Variants in SORCS2 observed in about 807,000 individuals in gnomAD.
The protein encoded by SORCS2 is VPS10 domain-containing receptor SorCS2.
Under a neutral mutation model 141.6 loss-of-function variants are expected in SORCS2, and 100 were observed. The ratio of observed to expected loss-of-function variants is 0.71; its 90% confidence interval spans 0.60 to 0.83. The LOEUF (loss-of-function observed/expected upper bound fraction) is 0.83. SORCS2 is among the 40% of genes least tolerant of loss of function. The pLI is 0.00. For missense variants in SORCS2, 1,646 were observed against 1,560.2 expected (o/e 1.05, Z -0.93); for synonymous variants, 789 against 676.9 (o/e 1.17, Z -2.57).
rs768844432 is a variant in SORCS2, at chr4:7,664,508, A to T, written c.1071+37A>T. The T allele has an allele frequency of 6.7e-6, 10 of 1,497,088 alleles. No homozygotes were observed. The highest frequency in any genetic ancestry group is 9.1e-6 in the Non-Finnish European group (10 of 1,096,354). The allele number at this position is 1,497,088 out of a possible 1,614,324, so 92.7% of individuals were successfully genotyped here. On this transcript the variant is annotated intron_variant, in intron 7 of 26. Transcript: ENST00000507866. The surrounding 1 kb of genome is among the most constrained non-coding windows in gnomAD (Gnocchi z 4.7). Reference sequence around the variant, plus strand: ...TCTGGGGCTTTTGGAAATTGGCAACAGGTGACGTGGCGGATGACCCGTTCG... The same window carrying T: ...TCTGGGGCTTTTGGAAATTGGCAACTGGTGACGTGGCGGATGACCCGTTCG...
Position 7,689,568 on chromosome 4 carries a change from C to T in SORCS2, c.1571C>T (p.Pro524Leu), listed in dbSNP as rs762657881. 6.3e-7 allele frequency: 1 copy of T among 1,599,184 alleles called. No homozygotes were observed. The highest frequency in any genetic ancestry group is 1.1e-5 in the South Asian group (1 of 88,084). Residue 524 changes from proline (P) to leucine (L), a missense_variant, in exon 11 of 27, where the codon CCA becomes CTA. Physicochemically the swap from Pro to Leu is moderately conservative, Grantham distance 98. Coordinates refer to ENST00000507866, the MANE Select transcript of SORCS2 (RefSeq NM_020777.3). ...ACCGTGCACACCAAGGACACCGCCC[C>T]AGGCCTCATCATGGGTGCAGGTAGG... ...SGTVHTKDTA[P>L]GLIMGAGNLG...
At chr4:7,586,398 T>C (rs1226403468) in intron 3 of SORCS2, among the ~76,000 whole-genome samples, 2 of 152,186 alleles carry the variant, frequency 1.3e-5, no homozygotes, top group East Asian at 1.9e-4. Flanking sequence ...ATGTGTGCCA[T>C]AGTGGTTTGC....
chr4:7,274,738 T>C (rs1420051771), intron 1 of SORCS2, among the ~76,000 whole-genome samples: 1 of 152,212 alleles, frequency 6.6e-6, no homozygotes, highest in Admixed American at 6.5e-5. Context: ...GGTTTGTTTG[T>C]TCATTTGTTC....
At chr4:7,414,098 C>T (rs965932527) in intron 2 of SORCS2, among the ~76,000 whole-genome samples, 5 of 152,156 alleles carry the variant, frequency 3.3e-5, no homozygotes, top group South Asian at 2.1e-4. Context: ...CTCGACAAGG[C>T]GAGACAAGGA....
intron 2 of SORCS2, among the ~76,000 whole-genome samples, chr4:7,458,080 G>T (rs544484266): frequency 3.3e-5 from 5 of 152,208 alleles, no homozygotes; most frequent in African/African-American, 1.2e-4. Context: ...TCCCCTCAGG[G>T]GTGCCATAGG....
At chr4:7,527,947 C>T (rs1733799503) in intron 2 of SORCS2, among the ~76,000 whole-genome samples, 1 of 152,108 alleles carries the variant, frequency 6.6e-6, no homozygotes, top group Non-Finnish European at 1.5e-5. Flanking sequence ...TTCCCCTTAG[C>T]GTCTCCCAGG....
At position 7,396,371 on chromosome 4, in the gene SORCS2, G is replaced by T. The variant is rs754639156; in HGVS notation, c.548+16G>T. ...CTCTGTGGCGGTAAGTCAGCCCGAT[G>T]GCAGGCCTTTCTCTTATGCACCTGC... On this transcript the variant is annotated intron_variant, in intron 2 of 26. Coordinates refer to ENST00000507866, the MANE Select transcript of SORCS2 (RefSeq NM_020777.3). 7 of 1,613,390 alleles carry T rather than the reference G, an allele frequency of 4.3e-6. No homozygotes were observed. The highest frequency in any genetic ancestry group is 5.1e-6 in the Non-Finnish European group (6 of 1,179,702).
intron 2 of SORCS2, among the ~76,000 whole-genome samples, chr4:7,509,844 G>C (rs1193673998): frequency 3.3e-5 from 5 of 152,198 alleles, no homozygotes; most frequent in African/African-American, 7.2e-5. Context: ...GAGGGGCCCT[G>C]ACATAGGGGG....
At chr4:7,252,084 C>A (rs941389844) in intron 1 of SORCS2, among the ~76,000 whole-genome samples, 4 of 152,230 alleles carry the variant, frequency 2.6e-5, no homozygotes, top group Admixed American at 6.5e-5. Flanking sequence ...AACTCCCTGA[C>A]CCCTGCAGTA....
intron 3 of SORCS2, among the ~76,000 whole-genome samples, chr4:7,621,399 G>A (rs1560432594): frequency 6.6e-6 from 1 of 151,334 alleles, no homozygotes; most frequent in African/African-American, 2.4e-5. Context: ...GTTTATGTGT[G>A]TGTCTGTGTG....
At chr4:7,206,275 C>T (rs1022265701) in intron 1 of SORCS2, among the ~76,000 whole-genome samples, 1 of 152,150 alleles carries the variant, frequency 6.6e-6, no homozygotes, top group Admixed American at 6.5e-5. Context: ...GGGCTTTGGT[C>T]TGTTTCATTC....
chr4:7,573,076 T>C (rs945110235), intron 3 of SORCS2, among the ~76,000 whole-genome samples: 1 of 152,194 alleles, frequency 6.6e-6, no homozygotes, highest in Non-Finnish European at 1.5e-5. Flanking sequence ...TTTTTGAAAA[T>C]GTAAGGTGAG....
chr4:7,597,812 T>C (rs1717384984), intron 3 of SORCS2, among the ~76,000 whole-genome samples: 1 of 151,916 alleles, frequency 6.6e-6, no homozygotes, highest in African/African-American at 2.4e-5. Context: ...AGGAGTTTTC[T>C]TTCATTGGGA....
Position 7,723,777 on chromosome 4 carries a change from G to T in SORCS2, c.2505G>T (p.Gly835=), listed in dbSNP as rs1051083597. Residue 835 remains glycine, a synonymous_variant, in exon 19 of 27, where the codon GGG becomes GGT. Transcript: ENST00000507866. ...KAMYVNLTLT[G]EPIRHRYESP... Reference sequence around the variant, plus strand: ...TGTACGTGAACCTTACACTGACCGGGGAGCCCATCCGGCACCGCTACGAGA... The same window carrying T: ...TGTACGTGAACCTTACACTGACCGGTGAGCCCATCCGGCACCGCTACGAGA... 6.2e-7 allele frequency: 1 copy of T among 1,613,980 alleles called. No individual in the cohort carries two copies. Among genetic ancestry groups the T allele is most frequent in the Non-Finnish European group, 8.5e-7 (1 of 1,179,900 alleles).
At chr4:7,714,497 C>T (rs909874174) in intron 16 of SORCS2, 124 bp downstream of exon 16, 30 of 1,047,046 alleles carry the variant, frequency 2.9e-5, no homozygotes, top group South Asian at 2.1e-4. Flanking sequence ...GTGTCACAGT[C>T]GCACACTGCC....
chr4:7,676,837 C>CTCT (rs1723174458), intron 9 of SORCS2, among the ~76,000 whole-genome samples: 1 of 134,124 alleles, frequency 7.5e-6, no homozygotes, highest in Non-Finnish European at 1.6e-5. Flanking sequence ...CTCCCTCTCT[C>CTCT]CACCCCAGCC....
At chr4:7,394,422 AG>A (rs993837883) in intron 1 of SORCS2, among the ~76,000 whole-genome samples, 6 of 54,860 alleles carry the variant, frequency 1.1e-4, no homozygotes, top group African/African-American at 4.3e-4. Context: ...GGGTGTATGG[AG>A]GGGGCATTGA....
chr4:7,692,862 G>A (rs1449120385), intron 11 of SORCS2, among the ~76,000 whole-genome samples: 2 of 152,182 alleles, frequency 1.3e-5, no homozygotes, highest in Non-Finnish European at 2.9e-5. Flanking sequence ...CGAGCTCGAG[G>A]AGATGCATTC....
intron 1 of SORCS2, among the ~76,000 whole-genome samples, chr4:7,389,143 C>T (rs143490694): frequency 2.6e-5 from 4 of 152,128 alleles, no homozygotes; most frequent in Non-Finnish European, 5.9e-5. Flanking sequence ...TCCTGCCCAT[C>T]CTGCCTGCGC....
Sources: allele counts gnomAD v4.1 joint callset (sites outside exome capture counted in the v4.1 genomes callset), GRCh38; gene constraint gnomAD v4.1.1; non-coding constraint Gnocchi (gnomAD v3.1); transcripts MANE v1.5; gene names NCBI Gene and HGNC (gene_info 2026-07-23, HGNC 2026-07-21).